The following PUDP variants were observed in gnomAD, a reference collection of about 807,000 sequenced individuals.
PUDP encodes pseudouridine 5'-phosphatase, also known as pseudouridine-5'-phosphatase.
PUDP carries 8 observed loss-of-function variants against 9.4 expected under a neutral mutation model. That is an observed-to-expected ratio of 0.85 (90% CI 0.50 to 1.53). PUDP has a LOEUF of 1.53. Ranked by LOEUF, PUDP falls within the 40% of genes most tolerant of loss-of-function variation. The probability of loss-of-function intolerance (pLI) is 0.00; values close to 1 mark genes in which losing one functional copy is unlikely to be tolerated. For synonymous variants in PUDP, 99 were observed against 80.7 expected (o/e 1.23, Z -1.22); for missense variants, 188 against 189.7 (o/e 0.99, Z 0.05).
intron 3 of PUDP, among the ~76,000 whole-genome samples, chrX:6,841,492 T>C (rs1161963780): frequency 9.1e-6 from 1 of 109,525 alleles, no homozygotes; most frequent in Non-Finnish European, 1.9e-5. Flanking sequence ...TCCCAGCTAC[T>C]CTGGAGGCTG....
chrX:6,860,462 T>C (rs1926980763), intron 3 of PUDP, among the ~76,000 whole-genome samples: 1 of 97,172 alleles, frequency 1.0e-5, no homozygotes, highest in African/African-American at 3.6e-5. Context: ...CTGTGTGTGG[T>C]TTTTTGTTTT....
intron 3 of PUDP, among the ~76,000 whole-genome samples, chrX:6,730,214 C>T (rs1239860237): frequency 5.4e-5 from 6 of 111,857 alleles, no homozygotes; most frequent in Non-Finnish European, 1.1e-4. Context: ...TCTGGAAGCA[C>T]CCACTCCAGA....
At chrX:7,058,144 G>A (rs1569148003) in intron 3 of PUDP, among the ~76,000 whole-genome samples, 1 of 111,915 alleles carries the variant, frequency 8.9e-6, no homozygotes, top group African/African-American at 3.3e-5. Context: ...CACAGGCAGA[G>A]TGCTGCCCGT....
At chrX:6,710,067 G>A (rs1382347719) in intron 1 of PUDP, among the ~76,000 whole-genome samples, 1 of 112,102 alleles carries the variant, frequency 8.9e-6, no homozygotes, top group East Asian at 2.8e-4. Flanking sequence ...AGGCTGCAGT[G>A]AGCCGAGATA....
intron 3 of PUDP, among the ~76,000 whole-genome samples, chrX:6,819,355 C>A (rs1926300889): frequency 8.9e-6 from 1 of 112,210 alleles, no homozygotes; most frequent in South Asian, 3.7e-4. Flanking sequence ...CTCCCTCTAT[C>A]CTGAATTTTA....
chrX:6,946,601 G>A (rs1463362171), intron 3 of PUDP, among the ~76,000 whole-genome samples: 1 of 112,267 alleles, frequency 8.9e-6, no homozygotes, highest in Non-Finnish European at 1.9e-5. Context: ...CCAATACTGG[G>A]ACAGGGGAGG....
intron 3 of PUDP, among the ~76,000 whole-genome samples, chrX:6,831,058 G>T (rs1258141006): frequency 9.0e-6 from 1 of 111,456 alleles, no homozygotes; most frequent in Non-Finnish European, 1.9e-5. Flanking sequence ...GTGCTAATTG[G>T]TCAGGTCTGA....
chrX:6,902,125 G>T (rs1927699516), intron 3 of PUDP, among the ~76,000 whole-genome samples: 1 of 111,707 alleles, frequency 9.0e-6, no homozygotes, highest in African/African-American at 3.3e-5. Flanking sequence ...GCCTCAAGCA[G>T]TCCTCCTGCT....
chrX:6,907,819 A>T (rs888458217), intron 3 of PUDP, among the ~76,000 whole-genome samples: 1 of 111,692 alleles, frequency 9.0e-6, no homozygotes, highest in African/African-American at 3.3e-5. Context: ...GGTGAAGGGT[A>T]CCCGCTTCCT....
At position 6,888,096 on chromosome X, in the gene PUDP, A is replaced by G. The variant is rs1927456304; in HGVS notation, c.*247+89037T>C. 2.7e-5 allele frequency among the ~76,000 whole-genome samples: 3 copies of G among 111,449 alleles called. 1 individual carries two copies. The South Asian group carries it at 1.1e-3, about 43-fold the overall frequency. ...AGAGCGAGAACAATGATTCCAAAAT[A>G]TTAATAATTGTTACTTGACTAAAGT... On this transcript the variant is annotated intron_variant and NMD_transcript_variant, in intron 3 of 3. Coordinates refer to the PUDP transcript ENST00000655425.
At chrX:6,898,484 T>A (rs1176931331) in intron 3 of PUDP, among the ~76,000 whole-genome samples, 1 of 112,332 alleles carries the variant, frequency 8.9e-6, no homozygotes, top group Admixed American at 9.4e-5. Context: ...ATGGGTATGA[T>A]CATGGGTTCA....
chrX:6,949,376 C>T (rs910140734), intron 3 of PUDP, among the ~76,000 whole-genome samples: 1 of 100,065 alleles, frequency 1.0e-5, no homozygotes, highest in African/African-American at 3.5e-5. Context: ...ATTCTCCCTC[C>T]TCCTTATCCT....
At chrX:6,959,843 C>T (rs1602691080) in intron 3 of PUDP, among the ~76,000 whole-genome samples, 1 of 112,788 alleles carries the variant, frequency 8.9e-6, no homozygotes, top group South Asian at 3.6e-4. Context: ...AAATACTATT[C>T]TGGAGCCTTA....
chrX:6,845,507 C>A (rs1393117614), intron 3 of PUDP, among the ~76,000 whole-genome samples: 1 of 111,888 alleles, frequency 8.9e-6, no homozygotes, highest in Non-Finnish European at 1.9e-5. Context: ...AATTTGCAGA[C>A]CAATGTTTCA....
upstream of PUDP, among the ~76,000 whole-genome samples, chrX:6,724,458 G>C (rs1298017193): frequency 7.0e-5 from 1 of 14,187 alleles, no homozygotes; most frequent in African/African-American, 2.9e-4. Context: ...TATTTGGAAA[G>C]AAAAATACAA....
chrX:6,955,408 A>G (rs1928613400), intron 3 of PUDP, among the ~76,000 whole-genome samples: 1 of 109,969 alleles, frequency 9.1e-6, no homozygotes, highest in Non-Finnish European at 1.9e-5. Flanking sequence ...TTTTGTAGAG[A>G]TGGGTCTTGC....
chrX:6,816,880 T>C (rs1926249956), intron 3 of PUDP, among the ~76,000 whole-genome samples: 1 of 94,569 alleles, frequency 1.1e-5, no homozygotes, highest in African/African-American at 3.9e-5. Context: ...ATATAGTATA[T>C]ACAATATATA....
intron 3 of PUDP, among the ~76,000 whole-genome samples, chrX:6,764,578 A>C (rs1234246842): frequency 8.9e-6 from 1 of 112,295 alleles, no homozygotes; most frequent in East Asian, 2.8e-4. Context: ...TGTCAGAAAC[A>C]GTGGGTTAAA....
intron 3 of PUDP, among the ~76,000 whole-genome samples, chrX:6,755,059 G>A (rs1239803395): frequency 9.0e-6 from 1 of 111,475 alleles, no homozygotes; most frequent in Non-Finnish European, 1.9e-5. Context: ...GCACAAGCAG[G>A]GACATCTGAT....
Sources: gnomAD v4.1 joint callset for allele counts (sites outside exome capture counted in the v4.1 genomes callset) on GRCh38, gnomAD v4.1.1 for gene constraint, MANE v1.5 for transcripts, NCBI Gene and HGNC (gene_info 2026-07-23, HGNC 2026-07-21) for gene names.